The following CHP1 variants were observed in gnomAD, a reference collection of about 807,000 sequenced individuals.
The protein encoded by CHP1 is calcineurin B homologous protein 1.
In CHP1, 11 loss-of-function variants were observed where a neutral mutation model predicts 27.4. The observed-to-expected ratio is 0.40, with a 90% CI of 0.25 to 0.67. The LOEUF is 0.67. Among genes scored for constraint, CHP1 ranks in the 30% least tolerant of loss-of-function variants. The pLI, the probability that CHP1 is intolerant of heterozygous loss-of-function variation, is 0.38. For missense variants in CHP1, 169 were observed against 251.3 expected, an observed-to-expected ratio of 0.67 and a Z score of 2.22; for synonymous variants, 89 against 87.4, an observed-to-expected ratio of 1.02 and a Z score of -0.10.
At position 41,279,509 on chromosome 15, in the gene CHP1, A is replaced by T; in HGVS notation, c.*120A>T. Reference sequence around the variant, plus strand: ...TCTCCCAAAGTACTACTGCTGTTGCATGACAACCCCAAATATGTTCTGTCA... The same window carrying T: ...TCTCCCAAAGTACTACTGCTGTTGCTTGACAACCCCAAATATGTTCTGTCA... On this transcript the variant is annotated 3_prime_UTR_variant, in exon 7 of 7. Transcript: ENST00000334660. The T allele has an allele frequency of 2.6e-6, 2 of 780,630 alleles. No individual in the cohort carries two copies. Among genetic ancestry groups the T allele is most frequent in the Non-Finnish European group, 2.2e-6 (1 of 462,298 alleles). 48.4% of individuals were successfully genotyped at this position (780,630 alleles called of 1,614,324 possible).
intron 3 of CHP1, among the ~76,000 whole-genome samples, chr15:41,258,294 A>G (rs1017487752): frequency 6.6e-6 from 1 of 152,200 alleles, no homozygotes; most frequent in African/African-American, 2.4e-5. Context: ...ATTCTTTTAC[A>G]TATCCATAGT....
chr15:41,234,077 G>A (rs1348069485), intron 1 of CHP1: 2 of 152,196 alleles, frequency 1.3e-5, no homozygotes, highest in Non-Finnish European at 2.9e-5. Flanking sequence ...AGCGTCCCAA[G>A]TAGCTAGGAC....
At position 41,242,923 on chromosome 15, in the gene CHP1, AC is replaced by A. The variant is rs544131629; in HGVS notation, c.68-743del. On this transcript the variant is annotated intron_variant, in intron 1 of 6. Transcript: ENST00000334660. ...GTGCCATTGCACTCCAGCCTGGGCA[AC>A]GAGAGTGAAACCCCATCTCAGAAAA... Among the ~76,000 whole-genome samples, 156 of 152,238 alleles carry A rather than the reference AC, an allele frequency of 1.0e-3. 2 individuals carry two copies. The highest frequency in any genetic ancestry group is 3.4e-3 in the African/African-American group (142 of 41,564).
chr15:41,258,452 C>T (rs780018076), intron 3 of CHP1, among the ~76,000 whole-genome samples: 4 of 152,106 alleles, frequency 2.6e-5, no homozygotes, highest in Non-Finnish European at 5.9e-5. Context: ...AGCACTTCCC[C>T]GCCTCCAGTA....
At chr15:41,249,301 C>T (rs1398108187) in intron 2 of CHP1, among the ~76,000 whole-genome samples, 9 of 151,914 alleles carry the variant, frequency 5.9e-5, no homozygotes, top group Non-Finnish European at 8.8e-5. Context: ...ACTACAGGCA[C>T]GTGTCACTGC....
intron 4 of CHP1, 76 bp from the exon 5 acceptor site, chr15:41,270,481 G>T: frequency 9.3e-7 from 1 of 1,080,874 alleles, no homozygotes. Flanking sequence ...TCTGTCTAGT[G>T]TCTTATATAT....
intron 5 of CHP1, among the ~76,000 whole-genome samples, chr15:41,271,254 C>CAAAA (rs143070752): frequency 1.0e-3 from 77 of 75,710 alleles, no homozygotes; most frequent in African/African-American, 3.7e-3. Flanking sequence ...GATTCCGTCT[C>CAAAA]AAAAAAAAAA....
At chr15:41,236,531 C>T (rs142210647) in intron 1 of CHP1, among the ~76,000 whole-genome samples, 4 of 151,936 alleles carry the variant, frequency 2.6e-5, no homozygotes, top group East Asian at 1.9e-4. Flanking sequence ...CAAAGTGCTG[C>T]GATTACAGAG....
intron 2 of CHP1, 92 bp downstream of exon 2, chr15:41,243,831 T>C: frequency 2.0e-6 from 2 of 1,023,788 alleles, no homozygotes; most frequent in African/African-American, 1.6e-5. Flanking sequence ...GTAGACATGA[T>C]AGACATCCAG....
chr15:41,277,593 G>A (rs1437972507), intron 5 of CHP1, among the ~76,000 whole-genome samples: 1 of 151,926 alleles, frequency 6.6e-6, no homozygotes, highest in Non-Finnish European at 1.5e-5. Context: ...TTCGAGACCA[G>A]CCTGGCCAAC....
chr15:41,237,936 T>C (rs2047285811), intron 1 of CHP1, among the ~76,000 whole-genome samples: 1 of 152,108 alleles, frequency 6.6e-6, no homozygotes. Flanking sequence ...TCTTGATCTC[T>C]TGACCTCGTA....
intron 1 of CHP1, among the ~76,000 whole-genome samples, chr15:41,237,165 A>T (rs538453253): frequency 2.0e-3 from 274 of 139,966 alleles, no homozygotes; most frequent in African/African-American, 6.8e-3. Context: ...TTTTTAATTG[A>T]GATGGAGTTT....
At chr15:41,242,526 C>T (rs759718338) in intron 1 of CHP1, among the ~76,000 whole-genome samples, 157 of 149,830 alleles carry the variant, frequency 1.0e-3, no homozygotes, top group Non-Finnish European at 1.9e-3. Context: ...GACTGAGGCA[C>T]GAGAATCGCT....
chr15:41,270,602 G>T lies in CHP1; in HGVS notation c.395G>T (p.Arg132Leu), dbSNP rs758885703. ...TTGGATAAAGATGAAAAGATCTCCC[G>T]TGATGAGCTGTTACAGGTATGTGGA... ...YDLDKDEKIS[R>L]DELLQVLRMM... is the part of the protein sequence containing the mutation. The change falls in exon 5 of 7, where the codon CGT (arginine) becomes CTT (leucine). Residue 132 changes from arginine to leucine, a missense_variant. Arg to Leu is a moderately radical substitution (Grantham distance 102). Transcript: ENST00000334660. The T allele has an allele frequency of 6.2e-7, 1 of 1,613,754 alleles. No individual in the cohort carries two copies. Among genetic ancestry groups the T allele is most frequent in the Non-Finnish European group, 8.5e-7 (1 of 1,179,670 alleles).
At chr15:41,277,518 A>G (rs2047525039) in intron 5 of CHP1, among the ~76,000 whole-genome samples, 1 of 152,116 alleles carries the variant, frequency 6.6e-6, no homozygotes, top group Admixed American at 6.6e-5. Flanking sequence ...GGCTGGGCGC[A>G]GTGGCTCACA....
At position 41,261,075 on chromosome 15, in the gene CHP1, ATTCC is replaced by A. The variant is rs576713453; in HGVS notation, c.222-1666_222-1663del. ...GATTGATTGATTGATTAATTGATTGATTCCTTCCTTCCTTCCTTTCCTCCCTCCC... is the reference window on the plus strand; with the variant it reads ...GATTGATTGATTGATTAATTGATTGATTCCTTCCTTCCTTTCCTCCCTCCC... On this transcript the variant is annotated intron_variant, in intron 3 of 6. Transcript: ENST00000334660. Among the ~76,000 whole-genome samples, 351 of 150,672 alleles carry A rather than the reference ATTCC, an allele frequency of 2.3e-3. 2 individuals carry two copies. The highest frequency in any genetic ancestry group is 4.6e-3 in the African/African-American group (190 of 41,092).
intron 2 of CHP1, among the ~76,000 whole-genome samples, chr15:41,249,605 T>A (rs561860001): frequency 1.3e-5 from 2 of 151,042 alleles, no homozygotes; most frequent in African/African-American, 4.9e-5. Context: ...ACCGAGTAGC[T>A]GGGACTACAG....
rs1419678555 is a variant in CHP1, at chr15:41,278,792, A to C, written c.437A>C (p.Asn146Thr). ...LQVLRMMVGV[N>T]ISDEQLGSIA... ...GTGCTACGCATGATGGTCGGAGTAA[A>C]TATCTCAGATGAGCAGCTGGGCAGC... The change falls in exon 6 of 7, where the codon AAT becomes ACT. Residue 146 changes from asparagine to threonine, a missense_variant. Coordinates refer to ENST00000334660, the MANE Select transcript of CHP1 (RefSeq NM_007236.5). The C allele has an allele frequency of 6.8e-6, 11 of 1,614,016 alleles. No individual in the cohort carries two copies. Among genetic ancestry groups the C allele is most frequent in the Non-Finnish European group, 9.3e-6 (11 of 1,180,030 alleles).
chr15:41,267,930 A>G (rs1451607124), intron 4 of CHP1, among the ~76,000 whole-genome samples: 1 of 70,732 alleles, frequency 1.4e-5, no homozygotes, highest in South Asian at 5.9e-4. Flanking sequence ...CCTATCTCTT[A>G]AAAAAAAAAA....
Sources: allele counts gnomAD v4.1 joint callset (sites outside exome capture counted in the v4.1 genomes callset), GRCh38; gene constraint gnomAD v4.1.1; transcripts MANE v1.5; gene names NCBI Gene and HGNC (gene_info 2026-07-23, HGNC 2026-07-21).